Variants in FSTL4 observed in about 807,000 individuals in gnomAD.
The protein encoded by FSTL4 is follistatin like 4, also known as follistatin-related protein 4.
Under a neutral mutation model 78.2 loss-of-function variants are expected in FSTL4, and 28 were observed. The ratio of observed to expected loss-of-function variants is 0.36; its 90% CI spans 0.27 to 0.49. FSTL4 has a LOEUF of 0.49. Among genes scored for constraint, FSTL4 ranks in the 20% least tolerant of loss-of-function variants. The probability of loss-of-function intolerance (pLI) is 0.98; values close to 1 mark genes in which losing one functional copy is unlikely to be tolerated. For synonymous variants in FSTL4, 422 were observed against 440.5 expected, an observed-to-expected ratio of 0.96 and a Z score of 0.53; for missense variants, 922 against 1,084.9, an observed-to-expected ratio of 0.85 and a Z score of 2.11.
At chr5:133,751,277 C>G in the FSTL4 span, among the ~76,000 whole-genome samples, 6 of 152,326 alleles carry the variant, frequency 3.9e-5, no homozygotes, top group African/African-American at 1.4e-4. Context: ...GTTTGGCAGG[C>G]CTTTCGGGCT....
At chr5:133,534,381 G>A (rs576628113) in intron 3 of FSTL4, among the ~76,000 whole-genome samples, 1 of 152,232 alleles carries the variant, frequency 6.6e-6, no homozygotes, top group East Asian at 1.9e-4. Context: ...GTCCAGGCAC[G>A]GGGCAAACTG....
intron 3 of FSTL4, among the ~76,000 whole-genome samples, chr5:133,547,918 C>A (rs546376719): frequency 3.3e-5 from 5 of 152,286 alleles, no homozygotes; most frequent in African/African-American, 9.6e-5. Flanking sequence ...ATTAAAGTTA[C>A]CCGGCCAATC....
At chr5:133,309,289 G>A (rs1481701876) in intron 6 of FSTL4, among the ~76,000 whole-genome samples, 2 of 152,190 alleles carry the variant, frequency 1.3e-5, no homozygotes, top group Non-Finnish European at 2.9e-5. Flanking sequence ...GAAGGACACT[G>A]AGCCTTTAGT....
At chr5:133,802,199 C>T in the FSTL4 span, among the ~76,000 whole-genome samples, 1 of 152,226 alleles carries the variant, frequency 6.6e-6, no homozygotes, top group East Asian at 1.9e-4. Flanking sequence ...TACAATTAAT[C>T]TCCAGGGCCT....
intron 7 of FSTL4, among the ~76,000 whole-genome samples, chr5:133,242,521 GAGGCCAGGGCTTCCCCTA>G (rs1436812309): frequency 6.6e-6 from 1 of 152,122 alleles, no homozygotes; most frequent in Non-Finnish European, 1.5e-5. Context: ...GTCAAGCCCT[GAGGCCAGGGCTTCCCCTA>G]AGGCTTTCCC....
At chr5:133,815,623 A>G in the FSTL4 span, among the ~76,000 whole-genome samples, 1 of 152,230 alleles carries the variant, frequency 6.6e-6, no homozygotes, top group Non-Finnish European at 1.5e-5. Context: ...TGGTTTCAAA[A>G]TACACATCCC....
the FSTL4 span, among the ~76,000 whole-genome samples, chr5:133,685,120 T>A: frequency 3.3e-5 from 5 of 152,240 alleles, no homozygotes; most frequent in Non-Finnish European, 5.9e-5. Flanking sequence ...AAACACACAG[T>A]TCTAATTTTC....
chr5:133,466,491 G>A (rs1212708338), intron 3 of FSTL4, among the ~76,000 whole-genome samples: 3 of 151,700 alleles, frequency 2.0e-5, no homozygotes, highest in Admixed American at 6.6e-5. Flanking sequence ...GCAGTGAGCC[G>A]AGATAGCGCC....
upstream of FSTL4, among the ~76,000 whole-genome samples, chr5:133,613,406 T>C (rs1208745582): frequency 6.6e-6 from 1 of 152,196 alleles, no homozygotes; most frequent in Non-Finnish European, 1.5e-5. Flanking sequence ...CCTTCCTGGC[T>C]TAGGTGAACA....
the FSTL4 span, among the ~76,000 whole-genome samples, chr5:133,773,693 G>A: frequency 6.6e-6 from 1 of 152,076 alleles, no homozygotes; most frequent in Non-Finnish European, 1.5e-5. Flanking sequence ...TCTTCTTTTT[G>A]TTTGTTCCCT....
At chr5:133,448,776 G>A (rs1239613680) in intron 3 of FSTL4, among the ~76,000 whole-genome samples, 3 of 149,558 alleles carry the variant, frequency 2.0e-5, no homozygotes, top group East Asian at 2.0e-4. Context: ...CGCCTTTTGC[G>A]CAAACTCCCC....
chr5:133,313,003 C>T (rs552474318), intron 5 of FSTL4, among the ~76,000 whole-genome samples: 1 of 152,318 alleles, frequency 6.6e-6, no homozygotes, highest in Non-Finnish European at 1.5e-5. Flanking sequence ...GTGCTTGGGG[C>T]AGACTCTAGA....
In FSTL4 at chr5:133,200,023, T is replaced by G. The variant is rs1437596765; in HGVS notation, c.1827-226A>C. Among the ~76,000 whole-genome samples the G allele has an allele frequency of 2.0e-5, 3 of 152,230 alleles. No homozygotes were observed. In the East Asian group the frequency reaches 5.8e-4, roughly 29 times the overall value. On this transcript the variant is annotated intron_variant, in intron 15 of 15. Transcript: ENST00000265342. ...TACAAATGTTCCTGGATTTATGCTCTTGTAACATGCACTCATCGTTGGAAA... is the reference window on the plus strand; with the variant it reads ...TACAAATGTTCCTGGATTTATGCTCGTGTAACATGCACTCATCGTTGGAAA...
At chr5:133,811,774 G>A in the FSTL4 span, among the ~76,000 whole-genome samples, 1 of 152,088 alleles carries the variant, frequency 6.6e-6, no homozygotes, top group Admixed American at 6.5e-5. Context: ...CACCCCTGGG[G>A]AGCCCATCCA....
At chr5:133,390,539 G>A (rs114478932) in intron 4 of FSTL4, among the ~76,000 whole-genome samples, 2,319 of 152,352 alleles carry the variant, frequency 0.015, 36 homozygotes, top group Admixed American at 0.021. Flanking sequence ...GGTGGTTCCC[G>A]GAGACCCAGG....
chr5:133,319,122 G>A lies in FSTL4; in HGVS notation c.410-2470C>T, dbSNP rs556214016. Among the ~76,000 whole-genome samples, 6 of 152,298 alleles carry A rather than the reference G, an allele frequency of 3.9e-5. No homozygotes were observed. In the East Asian group the frequency reaches 1.2e-3, roughly 29 times the overall value. On this transcript the variant is annotated intron_variant, in intron 4 of 15. Coordinates refer to ENST00000265342, the MANE Select transcript of FSTL4 (RefSeq NM_015082.2). ...GTGCTGCAGCATCCTCCCCAGGCTC[G>A]GCCCCACCTCACATCCTCACAGCTG...
intron 4 of FSTL4, among the ~76,000 whole-genome samples, chr5:133,374,916 A>C (rs752181721): frequency 6.6e-6 from 1 of 152,154 alleles, no homozygotes; most frequent in Non-Finnish European, 1.5e-5. Context: ...CAGACTGACT[A>C]AGCACCCCTC....
In FSTL4 at chr5:133,416,380, G is replaced by C. The variant is rs957390486; in HGVS notation, c.161-15394C>G. ...TAAATTTTAACTTGTAAATATAGAA[G>C]AAATGATGGAACTGAACATTTTCAT... On this transcript the variant is annotated intron_variant, in intron 3 of 15. Coordinates refer to ENST00000265342, the MANE Select transcript of FSTL4 (RefSeq NM_015082.2). Among the ~76,000 whole-genome samples the C allele has an allele frequency of 7.9e-5, 12 of 152,292 alleles. No homozygotes were observed. The East Asian group carries it at 1.7e-3, about 22-fold the overall frequency.
intron 8 of FSTL4, among the ~76,000 whole-genome samples, chr5:133,229,074 T>C (rs1166331358): frequency 6.6e-6 from 1 of 152,132 alleles, no homozygotes; most frequent in East Asian, 1.9e-4. Context: ...GAAAATATAA[T>C]GGAACTCAAT....
Sources: allele counts gnomAD v4.1 joint callset (sites outside exome capture counted in the v4.1 genomes callset), GRCh38; gene constraint gnomAD v4.1.1; transcripts MANE v1.5; gene names NCBI Gene and HGNC (gene_info 2026-07-23, HGNC 2026-07-21).